RPAP1: variants seen among roughly 807,000 people sequenced by gnomAD.
The protein encoded by RPAP1 is RNA polymerase II-associated protein 1.
RPAP1 carries 109 observed loss-of-function variants against 142.4 expected under a neutral mutation model. The observed-to-expected ratio is 0.77, with a 90% CI of 0.66 to 0.90. The LOEUF (loss-of-function observed/expected upper bound fraction) is 0.90. Ranked by LOEUF, RPAP1 falls within the 40% of genes least tolerant of loss-of-function variation. RPAP1 has a pLI of 0.00. For missense variants in RPAP1, 1,546 were observed against 1,751.7 expected, an observed-to-expected ratio of 0.88 and a Z score of 2.10; for synonymous variants, 704 against 738.9, an observed-to-expected ratio of 0.95 and a Z score of 0.77.
In RPAP1 at chr15:41,524,758, G is replaced by A. The variant is rs1595482538; in HGVS notation, c.2075+233C>T. Reference sequence around the variant, plus strand: ...CAAAGTGCTGGGATTACAGGCATGAGCCACAGTGCCCGGCTAATGATTTTG... The same window carrying A: ...CAAAGTGCTGGGATTACAGGCATGAACCACAGTGCCCGGCTAATGATTTTG... On this transcript the variant is annotated intron_variant, in intron 15 of 24. Transcript: ENST00000304330. Among the ~76,000 whole-genome samples the A allele has an allele frequency of 2.6e-5, 4 of 152,324 alleles. No individual in the cohort carries two copies. In the South Asian group the frequency reaches 8.3e-4, roughly 32 times the overall value.
At chr15:41,536,464 A>G in intron 3 of RPAP1, 37 bp downstream of exon 3, 3 of 1,610,330 alleles carry the variant, frequency 1.9e-6, no homozygotes, top group Non-Finnish European at 2.5e-6. Context: ...CTGTTGCCCT[A>G]GAACATCTTA....
rs1472111826 is a variant in RPAP1 at position 41,521,765 on chromosome 15, C to T, written c.3011G>A (p.Ser1004Asn). 6.2e-7 allele frequency: 1 copy of T among 1,614,196 alleles called. No homozygotes were observed. The highest frequency in any genetic ancestry group is 1.7e-5 in the Admixed American group (1 of 60,018). ...GAGGAACTCCAGCCGGAATACACAG[C>T]TCAGCAGCAGCTCATGGGTGAGGTA... ...SEYLTHELLL[S>N]CVFRLEFLPE... is the part of the protein sequence containing the mutation. Residue 1004 changes from serine (S) to asparagine (N), a missense_variant, in exon 21 of 25, where the codon AGC becomes AAC. Ser to Asn is a conservative substitution (Grantham distance 46). Around this residue, in one of 3 missense-constraint regions of RPAP1, gnomAD observed 1,333 missense variants for 1,486.6 expected, o/e 0.90. Transcript: ENST00000304330.
In RPAP1 at chr15:41,527,854, T is replaced by C. The variant is rs1034717477; in HGVS notation, c.1428+6A>G. ...AGCCCAAGCCCCATTCCTATCCCTGTGGTACCTCATCTCCAGGAGCCACCA... is the reference window on the plus strand; with the variant it reads ...AGCCCAAGCCCCATTCCTATCCCTGCGGTACCTCATCTCCAGGAGCCACCA... On this transcript the variant is annotated splice_donor_region_variant and intron_variant, in intron 11 of 24. Transcript: ENST00000304330. 3.1e-6 allele frequency: 5 copies of C among 1,614,052 alleles called. No homozygotes were observed. The highest frequency in any genetic ancestry group is 4.2e-6 in the Non-Finnish European group (5 of 1,179,974).
At position 41,525,056 on chromosome 15, in the gene RPAP1, C is replaced by T. The variant is rs1004000160; in HGVS notation, c.2010G>A (p.Leu670=). The T allele has an allele frequency of 6.2e-7, 1 of 1,614,116 alleles. No homozygotes were observed. The change falls in exon 15 of 25, where the codon CTG becomes CTA. Residue 670 remains leucine (L), a synonymous_variant. Coordinates refer to ENST00000304330, the MANE Select transcript of RPAP1 (RefSeq NM_015540.4). ...LALPPEEAEM[L]STEALRLWAV... ...CCCACAGACGGAGGGCCTCGGTGCT[C>T]AGCATCTCAGCTTCCTCTGGGGGCA...
chr15:41,524,327 AC>A, intron 15 of RPAP1, 73 bp from the exon 16 acceptor site: 1 of 1,352,818 alleles, frequency 7.4e-7, no homozygotes, highest in Non-Finnish European at 9.9e-7. Context: ...CATGGCCCTG[AC>A]CCAGGGATCT....
At chr15:41,530,500 G>A (rs2051836856) in intron 7 of RPAP1, among the ~76,000 whole-genome samples, 2 of 152,158 alleles carry the variant, frequency 1.3e-5, no homozygotes. Context: ...GAGGTTCCTG[G>A]CTCTCATAAT....
In RPAP1 at chr15:41,525,166, CTGAGG is replaced by C. The variant is rs1213925014; in HGVS notation, c.1918-23_1918-19del. ...CTGCTCAACTGGAAATGGGCACAGT[CTGAGG>C]ATCAGGGTCAGCTGTGAGTCTCAAG... On this transcript the variant is annotated intron_variant, in intron 14 of 24. Transcript: ENST00000304330. 4 of 1,594,314 alleles carry C rather than the reference CTGAGG, an allele frequency of 2.5e-6. No homozygotes were observed. The highest frequency in any genetic ancestry group is 3.4e-6 in the Non-Finnish European group (4 of 1,170,402).
intron 6 of RPAP1, among the ~76,000 whole-genome samples, chr15:41,534,109 C>T (rs1168604408): frequency 6.2e-5 from 9 of 144,856 alleles, no homozygotes; most frequent in South Asian, 2.2e-4. Flanking sequence ...GCAACAAGAC[C>T]GAAACTCCAT....
rs753950170 is a variant in RPAP1, at chr15:41,520,938, C to T, written c.3248G>A (p.Arg1083Gln). The change falls in exon 22 of 25, where the codon CGA becomes CAA. Residue 1083 changes from arginine to glutamine, a missense_variant. Physicochemically the swap from Arg to Gln is conservative, Grantham distance 43. Transcript: ENST00000304330. ...CATGGGCAGTAGCAGGGTTGGGACT[C>T]GCTGTAGCTCCCCTCGGTGCAGAGC... ...SQALHRGELQRVPTLLLPMPT... is the reference protein window; with the variant it reads ...SQALHRGELQQVPTLLLPMPT... The T allele has an allele frequency of 5.0e-6, 8 of 1,612,184 alleles. No individual in the cohort carries two copies. The highest frequency in any genetic ancestry group is 2.2e-5 in the East Asian group (1 of 44,888).
At chr15:41,536,252 A>G (rs765406527) in intron 3 of RPAP1, 34 bp from the exon 4 acceptor site, 70 of 1,589,744 alleles carry the variant, frequency 4.4e-5, no homozygotes, top group Middle Eastern at 3.3e-4. Context: ...GTGAAGCACA[A>G]TGGAGAAACT....
In RPAP1 at chr15:41,526,892, G is replaced by C; in HGVS notation, c.1917+6C>G. 1 of 1,607,254 alleles carries C rather than the reference G, an allele frequency of 6.2e-7. No individual in the cohort carries two copies. Among genetic ancestry groups the C allele is most frequent in the Non-Finnish European group, 8.5e-7 (1 of 1,175,420 alleles). On this transcript the variant is annotated splice_donor_region_variant and intron_variant, in intron 14 of 24. Coordinates refer to ENST00000304330, the MANE Select transcript of RPAP1 (RefSeq NM_015540.4). ...TCCCCCATCCCTTGCCCTGTGTCCT[G>C]CTCACCAGCCGGGCAGCAATATTCC... is the stretch of plus-strand genomic sequence containing the variant.
intron 1 of RPAP1, among the ~76,000 whole-genome samples, chr15:41,538,233 ACT>A (rs1373789343): frequency 1.3e-5 from 2 of 152,068 alleles, no homozygotes; most frequent in African/African-American, 4.8e-5. Context: ...ACAGAGTGAG[ACT>A]CTGTCAAAAA....
At chr15:41,537,499 G>T (rs1323349403) in intron 1 of RPAP1, among the ~76,000 whole-genome samples, 1 of 152,174 alleles carries the variant, frequency 6.6e-6, no homozygotes, top group African/African-American at 2.4e-5. Flanking sequence ...TAATGGGGGG[G>T]TGATGATTCT....
chr15:41,521,102 C>T lies in RPAP1; in HGVS notation c.3084G>A (p.Gln1028=), dbSNP rs1412503487. 2.6e-6 allele frequency: 4 copies of T among 1,521,266 alleles called. No individual in the cohort carries two copies. The highest frequency in any genetic ancestry group is 1.3e-5 in the South Asian group (1 of 75,746). 94.2% of individuals were successfully genotyped at this position (1,521,266 alleles called of 1,614,324 possible). ...GGPEAADFSD[Q]LSLGSSRVPR... The stretch of plus-strand genomic sequence containing the variant: ...GGACCCTGCTGCTTCCTAACGACAG[C>T]TGGTCAGAGAAGTCGGCTGCCTCTG... Residue 1028 remains glutamine, a synonymous_variant, in exon 22 of 25, where the codon CAG becomes CAA. Transcript: ENST00000304330.
In RPAP1 at chr15:41,527,964, C is replaced by A. The variant is rs1352801638; in HGVS notation, c.1324G>T (p.Gly442Cys). The A allele has an allele frequency of 6.2e-7, 1 of 1,614,090 alleles. No homozygotes were observed. Among genetic ancestry groups the A allele is most frequent in the Non-Finnish European group, 8.5e-7 (1 of 1,179,994 alleles). ...GSVLSLLLDA[G>C]FLFLLRFSLD... The stretch of plus-strand genomic sequence containing the variant: ...GAGAAGCGCAGTAGGAAGAGGAAAC[C>A]AGCATCCAAAAGGAGGCTTAAGACA... Residue 442 changes from glycine to cysteine, a missense_variant, in exon 11 of 25, where the codon GGT (glycine) becomes TGT (cysteine). Gly to Cys is a radical substitution (Grantham distance 159, BLOSUM62 -3). Around this residue, in one of 3 missense-constraint regions of RPAP1, gnomAD observed 1,333 missense variants for 1,486.6 expected, o/e 0.90. Coordinates refer to ENST00000304330, the MANE Select transcript of RPAP1 (RefSeq NM_015540.4).
intron 22 of RPAP1, chr15:41,520,125 G>T: frequency 2.3e-6 from 1 of 435,178 alleles, no homozygotes. Flanking sequence ...GTAGAAATGG[G>T]GTTTCACTAT....
intron 1 of RPAP1, among the ~76,000 whole-genome samples, chr15:41,540,686 T>G (rs1447024375): frequency 6.6e-6 from 1 of 152,182 alleles, no homozygotes; most frequent in Non-Finnish European, 1.5e-5. Flanking sequence ...AGTGTAAGTG[T>G]GTGCTAGGAT....
At chr15:41,532,673 G>A (rs1161734766) in intron 6 of RPAP1, among the ~76,000 whole-genome samples, 1 of 151,956 alleles carries the variant, frequency 6.6e-6, no homozygotes, top group Non-Finnish European at 1.5e-5. Context: ...ATAGCACAGT[G>A]GTTAAAAAGT....
At chr15:41,519,107 GT>G (rs1284537513) in intron 22 of RPAP1, among the ~76,000 whole-genome samples, 1 of 152,156 alleles carries the variant, frequency 6.6e-6, no homozygotes, top group Non-Finnish European at 1.5e-5. Context: ...GCCCAAGCTG[GT>G]CAGAAACTCT....
Sources: gnomAD v4.1 joint callset for allele counts (sites outside exome capture counted in the v4.1 genomes callset) on GRCh38, gnomAD v4.1.1 for gene constraint, gnomAD v4.1.1 regional missense constraint, MANE v1.5 for transcripts, NCBI Gene and HGNC (gene_info 2026-07-23, HGNC 2026-07-21) for gene names.